CRB1: variants seen among roughly 807,000 people sequenced by gnomAD.
CRB1 encodes crumbs cell polarity complex component 1.
CRB1 carries 83 observed loss-of-function variants against 120.0 expected under a neutral mutation model. The ratio of observed to expected loss-of-function variants is 0.69; its 90% CI spans 0.58 to 0.83. The LOEUF is 0.83. Among genes scored for constraint, CRB1 ranks in the 40% least tolerant of loss-of-function variants. The probability of loss-of-function intolerance (pLI) is 0.00; values close to 1 mark genes in which losing one functional copy is unlikely to be tolerated. For synonymous variants in CRB1, 625 were observed against 612.5 expected (o/e 1.02, Z -0.30); for missense variants, 1,699 against 1,687.6 (o/e 1.01, Z -0.12).
chr1:197,365,867 C>T (rs1035987163), intron 5 of CRB1, among the ~76,000 whole-genome samples: 9 of 152,054 alleles, frequency 5.9e-5, no homozygotes, highest in Non-Finnish European at 1.5e-5. Flanking sequence ...CCTGGGGCGT[C>T]TAACCAGTTC....
intron 8 of CRB1, among the ~76,000 whole-genome samples, chr1:197,432,977 T>A (rs1007713171): frequency 6.6e-6 from 1 of 151,916 alleles, no homozygotes; most frequent in Non-Finnish European, 1.5e-5. Flanking sequence ...CTGTGGCCTG[T>A]GAATGAATTG....
chr1:197,420,252 C>A (rs1664230990), intron 5 of CRB1, among the ~76,000 whole-genome samples: 1 of 152,024 alleles, frequency 6.6e-6, no homozygotes, highest in Non-Finnish European at 1.5e-5. Context: ...AAAGCAACAG[C>A]CACGCTTATT....
chr1:197,212,902 AAGAT>A, the CRB1 span, among the ~76,000 whole-genome samples: 6 of 152,314 alleles, frequency 3.9e-5, 1 homozygote, highest in South Asian at 4.1e-4. Flanking sequence ...CCATGGCAAA[AAGAT>A]AGACCATCCA....
rs568701565 is a variant in CRB1 at position 197,421,509 on chromosome 1, A to G, written c.1681A>G (p.Asn561Asp). The G allele has an allele frequency of 1.2e-6, 2 of 1,614,202 alleles. No individual in the cohort carries two copies. The highest frequency in any genetic ancestry group is 2.7e-5 in the African/African-American group (2 of 75,048). The change falls in exon 6 of 12, where the codon AAC (asparagine) becomes GAC (aspartate). Residue 561 changes from asparagine (N) to aspartate (D), a missense_variant. Asn to Asp is a conservative substitution (Grantham distance 23). Coordinates refer to ENST00000367400, the MANE Select transcript of CRB1 (RefSeq NM_201253.3). Reference sequence around the variant, plus strand: ...AAAGGTGCTTCTGTTCATTTCCCACAACACCAGCGATGGAGAGTGGCATTT... The same window carrying G: ...AAAGGTGCTTCTGTTCATTTCCCACGACACCAGCGATGGAGAGTGGCATTT... ...QSKVLLFISHNTSDGEWHFVE... is the reference protein window; with the variant it reads ...QSKVLLFISHDTSDGEWHFVE...
intron 4 of CRB1, among the ~76,000 whole-genome samples, chr1:197,352,939 C>G (rs1410710271): frequency 6.6e-6 from 1 of 152,078 alleles, no homozygotes; most frequent in Non-Finnish European, 1.5e-5. Context: ...GGATTATAAT[C>G]TAAATTGTTA....
chr1:197,355,514 C>T (rs894873006), intron 4 of CRB1, among the ~76,000 whole-genome samples: 5 of 152,158 alleles, frequency 3.3e-5, no homozygotes, highest in Admixed American at 6.5e-5. Flanking sequence ...TCAGGCATGG[C>T]GGGCTGCAGG....
chr1:197,323,415 C>T (rs570610470), intron 1 of CRB1, among the ~76,000 whole-genome samples: 37 of 152,208 alleles, frequency 2.4e-4, no homozygotes, highest in African/African-American at 7.7e-4. Context: ...AAAACTTTTT[C>T]GTCTTTGTTC....
intron 1 of CRB1, 52 bp from the exon 2 acceptor site, chr1:197,328,370 A>T: frequency 7.0e-7 from 1 of 1,429,464 alleles, no homozygotes; most frequent in Non-Finnish European, 9.8e-7. Context: ...AAAGATTTTT[A>T]ACTTTGTCCT....
chr1:197,275,791 G>A (rs1414103669), intron 1 of CRB1, among the ~76,000 whole-genome samples: 1 of 151,828 alleles, frequency 6.6e-6, no homozygotes, highest in Non-Finnish European at 1.5e-5. Context: ...ATTACTTGGG[G>A]CACCAAAAGA....
chr1:197,285,381 A>C (rs1266495425), intron 1 of CRB1, among the ~76,000 whole-genome samples: 1 of 151,884 alleles, frequency 6.6e-6, no homozygotes, highest in Non-Finnish European at 1.5e-5. Context: ...CTTGCCCTTT[A>C]GAGAAAAATA....
intron 1 of CRB1, among the ~76,000 whole-genome samples, chr1:197,275,060 G>A (rs568911484): frequency 6.6e-6 from 1 of 151,962 alleles, no homozygotes; most frequent in African/African-American, 2.4e-5. Context: ...TCAGTCCCGG[G>A]TGTTTCTTAG....
intron 5 of CRB1, among the ~76,000 whole-genome samples, chr1:197,386,142 C>T (rs181612211): frequency 2.6e-5 from 4 of 152,084 alleles, no homozygotes; most frequent in Non-Finnish European, 4.4e-5. Flanking sequence ...AATCACATAC[C>T]CCTGGATTGT....
chr1:197,343,012 G>C (rs908160377), intron 2 of CRB1, among the ~76,000 whole-genome samples: 6 of 152,138 alleles, frequency 3.9e-5, no homozygotes, highest in African/African-American at 1.2e-4. Context: ...AAGTGCTATT[G>C]CAAAAATTTC....
At chr1:197,216,670 T>G in the CRB1 span, among the ~76,000 whole-genome samples, 1,049 of 152,280 alleles carry the variant, frequency 6.9e-3, 12 homozygotes, top group African/African-American at 0.023. Flanking sequence ...ACTGGAAATT[T>G]TATAAAACTA....
chr1:197,210,261 G>A, the CRB1 span, among the ~76,000 whole-genome samples: 1 of 152,206 alleles, frequency 6.6e-6, no homozygotes, highest in Non-Finnish European at 1.5e-5. Flanking sequence ...AACACCCTGA[G>A]GATGTTGCTG....
In CRB1 at chr1:197,404,832, T is replaced by C. The variant is rs547713808; in HGVS notation, c.1172-16168T>C. 4.0e-4 allele frequency among the ~76,000 whole-genome samples: 61 copies of C among 152,332 alleles called. No individual in the cohort carries two copies. In the East Asian group the frequency reaches 8.9e-3, roughly 22 times the overall value. ...CTGTAACTAATTTGTATTTGGGCAC[T>C]GCCAGATCTAAATTTAAGTTCTGGC... On this transcript the variant is annotated intron_variant, in intron 5 of 11. Transcript: ENST00000367400.
chr1:197,322,658 G>A (rs927861986), intron 1 of CRB1, among the ~76,000 whole-genome samples: 5 of 152,026 alleles, frequency 3.3e-5, no homozygotes, highest in African/African-American at 1.2e-4. Flanking sequence ...ATAGGTGCTT[G>A]CTATTTAAGT....
At chr1:197,461,410 G>C (rs1019483845) in intron 11 of CRB1, among the ~76,000 whole-genome samples, 2 of 152,132 alleles carry the variant, frequency 1.3e-5, no homozygotes, top group African/African-American at 2.4e-5. Context: ...CCTTTGTAAA[G>C]AGGCACTCTG....
chr1:197,260,186 AGAAGAG>A, the CRB1 span, among the ~76,000 whole-genome samples: 1 of 112,488 alleles, frequency 8.9e-6, no homozygotes. Context: ...AGGAAGAGGA[AGAAGAG>A]GAAGAGGAAG....
Sources: gnomAD v4.1 joint callset for allele counts (sites outside exome capture counted in the v4.1 genomes callset) on GRCh38, gnomAD v4.1.1 for gene constraint, MANE v1.5 for transcripts, NCBI Gene and HGNC (gene_info 2026-07-23, HGNC 2026-07-21) for gene names.